The following SEMA6D variants were observed in gnomAD, a reference collection of about 807,000 sequenced individuals.
SEMA6D encodes semaphorin 6D.
In SEMA6D, 35 loss-of-function variants were observed where a neutral mutation model predicts 106.6. The observed-to-expected ratio is 0.33, with a 90% CI of 0.25 to 0.44. The LOEUF (loss-of-function observed/expected upper bound fraction) is 0.44. Ranked by LOEUF, SEMA6D falls within the 20% of genes least tolerant of loss-of-function variation. SEMA6D has a pLI of 1.00. For synonymous variants in SEMA6D, 499 were observed against 487.7 expected (o/e 1.02, Z -0.31); for missense variants, 1,185 against 1,345.9 (o/e 0.88, Z 1.87).
At chr15:47,711,809 G>A (rs1384373028) in intron 4 of SEMA6D, among the ~76,000 whole-genome samples, 1 of 152,168 alleles carries the variant, frequency 6.6e-6, no homozygotes, top group Non-Finnish European at 1.5e-5. Context: ...CTCTTATTTG[G>A]AAAGATGGAA....
chr15:47,249,568 G>T (rs769767552), intron 1 of SEMA6D, among the ~76,000 whole-genome samples: 4 of 151,894 alleles, frequency 2.6e-5, no homozygotes, highest in Non-Finnish European at 4.4e-5. Flanking sequence ...TCTAAGAAAA[G>T]GTTCAAATAC....
chr15:47,234,377 A>C (rs560237333), intron 1 of SEMA6D, among the ~76,000 whole-genome samples: 8 of 152,014 alleles, frequency 5.3e-5, no homozygotes, highest in Non-Finnish European at 7.4e-5. Flanking sequence ...TTGGGATACA[A>C]ATGGTTTTTG....
chr15:47,286,075 A>G (rs2035348244), intron 1 of SEMA6D, among the ~76,000 whole-genome samples: 1 of 152,156 alleles, frequency 6.6e-6, no homozygotes, highest in Non-Finnish European at 1.5e-5. Context: ...GCAGGTTCTT[A>G]AGAGGACGTG....
At position 47,399,083 on chromosome 15, in the gene SEMA6D, ACAGG is replaced by A. The variant is rs369070500; in HGVS notation, c.-238-13306_-238-13303del. Among the ~76,000 whole-genome samples, 343 of 152,344 alleles carry A rather than the reference ACAGG, an allele frequency of 2.3e-3. 1 individual carries two copies. The highest frequency in any genetic ancestry group is 7.6e-3 in the African/African-American group (318 of 41,584). On this transcript the variant is annotated intron_variant, in intron 1 of 19. Coordinates refer to the SEMA6D transcript ENST00000558014. ...TTACATGAGAATAGTTTACAAATTC[ACAGG>A]CAGTCTAAAAATATAAACTTCTATA...
chr15:47,713,218 G>A (rs1270540432), upstream of SEMA6D, among the ~76,000 whole-genome samples: 1 of 152,078 alleles, frequency 6.6e-6, no homozygotes, highest in Non-Finnish European at 1.5e-5. Flanking sequence ...TTTCCTCAGA[G>A]TGTAGAGCAA....
intron 2 of SEMA6D, among the ~76,000 whole-genome samples, chr15:47,469,765 C>T (rs1267410014): frequency 1.3e-5 from 2 of 152,104 alleles, no homozygotes; most frequent in Non-Finnish European, 2.9e-5. Context: ...AATTCTATTT[C>T]CCAAACTCAG....
chr15:47,658,286 A>T (rs1172622425), intron 4 of SEMA6D, among the ~76,000 whole-genome samples: 1 of 152,168 alleles, frequency 6.6e-6, no homozygotes, highest in Non-Finnish European at 1.5e-5. Flanking sequence ...TAGATAGGCT[A>T]AACTATTCTT....
At chr15:47,500,410 A>G (rs967297084) in intron 3 of SEMA6D, among the ~76,000 whole-genome samples, 2 of 152,078 alleles carry the variant, frequency 1.3e-5, no homozygotes, top group African/African-American at 4.8e-5. Flanking sequence ...TATATAATTT[A>G]AAATAATTAA....
chr15:47,305,621 A>T (rs2036202741), intron 1 of SEMA6D, among the ~76,000 whole-genome samples: 1 of 152,234 alleles, frequency 6.6e-6, no homozygotes, highest in Non-Finnish European at 1.5e-5. Context: ...TCAATTAAGT[A>T]GAATTAGTTT....
chr15:47,288,778 A>G (rs7174561), intron 1 of SEMA6D, among the ~76,000 whole-genome samples: 5,258 of 152,268 alleles, frequency 0.035, 107 homozygotes, highest in Middle Eastern at 0.051. Context: ...TGAATATTCC[A>G]TCTTCATGTC....
intron 1 of SEMA6D, among the ~76,000 whole-genome samples, chr15:47,329,724 T>G (rs75662920): frequency 0.011 from 1,687 of 152,290 alleles, 13 homozygotes; most frequent in Non-Finnish European, 0.014. Context: ...GCTAAAAATG[T>G]TGTTTCTTAG....
At chr15:47,551,817 G>A (rs1173655912) in intron 3 of SEMA6D, among the ~76,000 whole-genome samples, 1 of 152,038 alleles carries the variant, frequency 6.6e-6, no homozygotes, top group Non-Finnish European at 1.5e-5. Context: ...TTAGAATTAT[G>A]TATAATTTCA....
chr15:47,286,278 A>G (rs963629450), intron 1 of SEMA6D, among the ~76,000 whole-genome samples: 4 of 152,188 alleles, frequency 2.6e-5, no homozygotes, highest in Admixed American at 6.5e-5. Context: ...TCTTAGGGCT[A>G]TATGGCTGAC....
At chr15:47,195,933 G>T (rs1324059246) in intron 1 of SEMA6D, among the ~76,000 whole-genome samples, 1 of 11,888 alleles carries the variant, frequency 8.4e-5, no homozygotes, top group Non-Finnish European at 6.3e-4. Flanking sequence ...GGACAGCAGA[G>T]AAAGCAAGGC....
At chr15:47,347,189 T>G (rs2038080399) in intron 1 of SEMA6D, among the ~76,000 whole-genome samples, 1 of 152,222 alleles carries the variant, frequency 6.6e-6, no homozygotes, top group African/African-American at 2.4e-5. Flanking sequence ...ATTACAGGCA[T>G]GAGCTACCAC....
rs1350216161 is a variant in SEMA6D at position 47,316,616 on chromosome 15, T to TA, written c.-238-95777_-238-95776insA. 1.9e-4 allele frequency among the ~76,000 whole-genome samples: 28 copies of TA among 151,064 alleles called. 1 individual carries two copies. Among genetic ancestry groups the TA allele is most frequent in the African/African-American group, 6.8e-4 (28 of 40,980 alleles). On this transcript the variant is annotated intron_variant, in intron 1 of 19. Coordinates refer to the SEMA6D transcript ENST00000558014. Reference sequence around the variant, plus strand: ...CCAGGTTTATTGAGAGGTTTTTTTTTTTTTTATCATAAATGGTTATTGGAT... The same window carrying TA: ...CCAGGTTTATTGAGAGGTTTTTTTTTATTTTTATCATAAATGGTTATTGGAT...
rs776742724 is a variant in SEMA6D, at chr15:47,367,206, C to T, written c.-238-45187C>T. Among the ~76,000 whole-genome samples, 43 of 152,190 alleles carry T rather than the reference C, an allele frequency of 2.8e-4. 1 individual carries two copies. The highest frequency in any genetic ancestry group is 7.7e-4 in the East Asian group (4 of 5,194). On this transcript the variant is annotated intron_variant, in intron 1 of 19. Transcript: ENST00000558014. ...CAATAACTGTTGGTGGATCTTCCTA[C>T]GCTTCTGCTTCTTCCCTTTCCCTGA... is the stretch of plus-strand genomic sequence containing the variant.
At chr15:47,393,603 G>A (rs1241971970) in intron 1 of SEMA6D, 1 of 152,142 alleles carries the variant, frequency 6.6e-6, no homozygotes, top group Non-Finnish European at 1.5e-5. Context: ...AATATATACA[G>A]CTTATGTATA....
chr15:47,496,848 T>A (rs979644959), intron 3 of SEMA6D, among the ~76,000 whole-genome samples: 1 of 152,016 alleles, frequency 6.6e-6, no homozygotes, highest in South Asian at 2.1e-4. Flanking sequence ...AATTTTTGGA[T>A]GCATTGACGT....
Sources: allele counts gnomAD v4.1 joint callset (sites outside exome capture counted in the v4.1 genomes callset), GRCh38; gene constraint gnomAD v4.1.1; transcripts MANE v1.5; gene names NCBI Gene and HGNC (gene_info 2026-07-23, HGNC 2026-07-21).